Variants in MYO18B observed in about 807,000 individuals in gnomAD.
The protein encoded by MYO18B is myosin XVIIIB.
MYO18B carries 204 observed loss-of-function variants against 273.0 expected under a neutral mutation model. That is an observed-to-expected ratio of 0.75 (90% CI 0.67 to 0.84). The LOEUF (loss-of-function observed/expected upper bound fraction) is 0.84. Ranked by LOEUF, MYO18B falls within the 40% of genes least tolerant of loss-of-function variation. MYO18B has a pLI of 0.00. For synonymous variants in MYO18B, 1,330 were observed against 1,305.7 expected (o/e 1.02, Z -0.40); for missense variants, 3,212 against 3,287.6 (o/e 0.98, Z 0.56).
chr22:25,794,047 C>T (rs1569028497), intron 11 of MYO18B, among the ~76,000 whole-genome samples: 1 of 152,018 alleles, frequency 6.6e-6, no homozygotes, highest in African/African-American at 2.4e-5. Context: ...CATTCTCCCG[C>T]CTCAGCCTCC....
chr22:25,855,182 T>C (rs1017992462), intron 21 of MYO18B, among the ~76,000 whole-genome samples: 1 of 152,242 alleles, frequency 6.6e-6, no homozygotes, highest in East Asian at 1.9e-4. Context: ...CTCCCACTTA[T>C]AAGTGAGAAC....
At chr22:25,970,848 C>T (rs759080956) in intron 39 of MYO18B, among the ~76,000 whole-genome samples, 4 of 152,130 alleles carry the variant, frequency 2.6e-5, no homozygotes, top group Admixed American at 6.5e-5. Flanking sequence ...CCTTCAGGCT[C>T]CTGCCTTTGT....
intron 21 of MYO18B, among the ~76,000 whole-genome samples, chr22:25,865,099 A>G (rs2090848192): frequency 6.6e-6 from 1 of 152,252 alleles, no homozygotes; most frequent in South Asian, 2.1e-4. Flanking sequence ...TAAAAATAAC[A>G]GCATTTAAGT....
chr22:25,789,500 G>A (rs1176640597), intron 11 of MYO18B, among the ~76,000 whole-genome samples: 2 of 151,964 alleles, frequency 1.3e-5, no homozygotes, highest in South Asian at 2.1e-4. Context: ...GCCAGGTGTG[G>A]TGGCACGTGC....
In MYO18B at chr22:25,907,154, G is replaced by A. The variant is rs562874595; in HGVS notation, c.5149-1168G>A. On this transcript the variant is annotated intron_variant, in intron 31 of 43. Coordinates refer to ENST00000335473, the MANE Select transcript of MYO18B (RefSeq NM_032608.7). ...TGCAATTTGTATGTTTTAAAAATGC[G>A]TTTGTAATTCTAACGTGCCACAAAA... Among the ~76,000 whole-genome samples, 21 of 152,368 alleles carry A rather than the reference G, an allele frequency of 1.4e-4. No homozygotes were observed. The South Asian group carries it at 2.1e-3, about 15-fold the overall frequency.
intron 34 of MYO18B, among the ~76,000 whole-genome samples, chr22:25,929,592 CAG>C (rs2092469624): frequency 6.6e-6 from 1 of 152,190 alleles, no homozygotes. Context: ...GTCTCTTCCA[CAG>C]AGGCAATATG....
intron 12 of MYO18B, 64 bp downstream of exon 12, chr22:25,798,161 G>T: frequency 6.6e-7 from 1 of 1,513,568 alleles, no homozygotes; most frequent in Non-Finnish European, 8.9e-7. Flanking sequence ...TGCCTGACAA[G>T]GCCCTTCTCT....
chr22:25,912,230 A>G (rs1451603319), intron 33 of MYO18B, among the ~76,000 whole-genome samples: 1 of 152,174 alleles, frequency 6.6e-6, no homozygotes, highest in Non-Finnish European at 1.5e-5. Context: ...AGTCAATATA[A>G]TCTTCCTTCT....
intron 31 of MYO18B, among the ~76,000 whole-genome samples, chr22:25,904,689 C>T (rs1174047401): frequency 6.6e-6 from 1 of 152,112 alleles, no homozygotes; most frequent in Non-Finnish European, 1.5e-5. Flanking sequence ...TATTTATGTA[C>T]TTACTTATTT....
At chr22:25,810,118 G>C (rs8135602) in intron 12 of MYO18B, among the ~76,000 whole-genome samples, 36,942 of 135,088 alleles carry the variant, frequency 0.27, 5,403 homozygotes, top group African/African-American at 0.35. Context: ...TTTTTTTTGA[G>C]ACAGAGTCTT....
chr22:25,949,210 TC>T (rs1211234220), intron 36 of MYO18B, among the ~76,000 whole-genome samples: 1 of 152,194 alleles, frequency 6.6e-6, no homozygotes, highest in Non-Finnish European at 1.5e-5. Flanking sequence ...GGCAGGACTC[TC>T]CTCTGCCTTG....
At chr22:25,991,731 T>C (rs1032220368) in intron 39 of MYO18B, among the ~76,000 whole-genome samples, 2 of 152,158 alleles carry the variant, frequency 1.3e-5, no homozygotes, top group African/African-American at 4.8e-5. Context: ...AAGACTCACC[T>C]GCTGGGCCTG....
intron 39 of MYO18B, among the ~76,000 whole-genome samples, chr22:25,970,340 GAATTA>G (rs1434135733): frequency 6.6e-6 from 1 of 152,206 alleles, no homozygotes; most frequent in Admixed American, 6.5e-5. Context: ...GCCAGTGGTT[GAATTA>G]TTTCCTATTT....
chr22:25,902,212 A>G (rs1412702126), intron 29 of MYO18B, among the ~76,000 whole-genome samples: 2 of 151,858 alleles, frequency 1.3e-5, no homozygotes, highest in African/African-American at 2.4e-5. Flanking sequence ...ATATATTTTT[A>G]TTAGATTTTA....
intron 11 of MYO18B, among the ~76,000 whole-genome samples, chr22:25,790,467 T>C (rs1020997217): frequency 1.3e-5 from 2 of 152,200 alleles, no homozygotes; most frequent in African/African-American, 4.8e-5. Context: ...GTCTCCTTGC[T>C]AACAGTCTCC....
At chr22:25,809,995 G>GTT (rs146441886) in intron 12 of MYO18B, among the ~76,000 whole-genome samples, 1 of 140,692 alleles carries the variant, frequency 7.1e-6, no homozygotes, top group African/African-American at 2.8e-5. Context: ...AGAATAGAAA[G>GTT]TTTAAAAAAA....
chr22:25,991,051 T>A (rs1251787775), intron 39 of MYO18B, among the ~76,000 whole-genome samples: 1 of 152,184 alleles, frequency 6.6e-6, no homozygotes, highest in East Asian at 1.9e-4. Context: ...TCATGTTATT[T>A]CAAAGAAGCA....
chr22:25,834,154 C>CT (rs560428053), intron 16 of MYO18B, among the ~76,000 whole-genome samples: 3,105 of 141,736 alleles, frequency 0.022, 106 homozygotes, highest in African/African-American at 0.07. Context: ...TTTTTTTTTT[C>CT]TTTTTTTTTT....
intron 39 of MYO18B, among the ~76,000 whole-genome samples, chr22:25,977,168 C>T (rs1054375302): frequency 6.6e-6 from 1 of 152,114 alleles, no homozygotes; most frequent in Non-Finnish European, 1.5e-5. Flanking sequence ...TTCTCCTTCT[C>T]ATATCCGTGC....
Sources: gnomAD v4.1 joint callset for allele counts (sites outside exome capture counted in the v4.1 genomes callset) on GRCh38, gnomAD v4.1.1 for gene constraint, MANE v1.5 for transcripts, NCBI Gene and HGNC (gene_info 2026-07-23, HGNC 2026-07-21) for gene names.